The following KCNQ5 variants were observed in gnomAD, a reference collection of about 807,000 sequenced individuals.
KCNQ5 encodes potassium voltage-gated channel subfamily KQT member 5.
In KCNQ5, 30 loss-of-function variants were observed where a neutral mutation model predicts 98.2. That is an observed-to-expected ratio of 0.31 (90% CI 0.23 to 0.41). KCNQ5 has a LOEUF of 0.41. Among genes scored for constraint, KCNQ5 ranks in the 10% least tolerant of loss-of-function variants. KCNQ5 has a pLI of 1.00. For missense variants in KCNQ5, 835 were observed against 1,182.5 expected (o/e 0.71, Z 4.31); for synonymous variants, 458 against 449.4 (o/e 1.02, Z -0.24).
At chr6:72,690,673 A>T (rs1263475063) in intron 1 of KCNQ5, among the ~76,000 whole-genome samples, 1 of 151,966 alleles carries the variant, frequency 6.6e-6, no homozygotes, top group Non-Finnish European at 1.5e-5. Context: ...TGCATACAGA[A>T]CTCTAATGGG....
At chr6:73,051,659 C>T (rs1377870368) in intron 3 of KCNQ5, among the ~76,000 whole-genome samples, 3 of 141,996 alleles carry the variant, frequency 2.1e-5, no homozygotes, top group Admixed American at 7.3e-5. Flanking sequence ...ACTGAACCCA[C>T]CTTATATGAG....
chr6:72,736,689 C>CG (rs888676660), intron 1 of KCNQ5, among the ~76,000 whole-genome samples: 2 of 148,638 alleles, frequency 1.3e-5, no homozygotes, highest in African/African-American at 2.5e-5. Flanking sequence ...TTAGTAGAGA[C>CG]GGGGTTTCAC....
At chr6:72,745,873 G>C (rs1771372088) in intron 1 of KCNQ5, among the ~76,000 whole-genome samples, 1 of 152,000 alleles carries the variant, frequency 6.6e-6, no homozygotes, top group African/African-American at 2.4e-5. Context: ...AGCAATCCTT[G>C]ACCTGTGTTG....
intron 1 of KCNQ5, among the ~76,000 whole-genome samples, chr6:72,873,803 GATA>G (rs1223856776): frequency 6.6e-6 from 1 of 151,904 alleles, no homozygotes; most frequent in East Asian, 1.9e-4. Flanking sequence ...AACATTCTAA[GATA>G]ATAATTTAAT....
intron 1 of KCNQ5, among the ~76,000 whole-genome samples, chr6:72,773,544 A>G (rs934302078): frequency 4.6e-5 from 7 of 152,176 alleles, no homozygotes; most frequent in African/African-American, 1.4e-4. Context: ...TGGCATGTGT[A>G]TACCTGTGTA....
intron 1 of KCNQ5, among the ~76,000 whole-genome samples, chr6:72,626,180 G>A (rs946656092): frequency 2.6e-5 from 4 of 152,208 alleles, no homozygotes; most frequent in African/African-American, 7.2e-5. Context: ...AATGTTATTG[G>A]TGTGCTTAGA....
At chr6:72,812,217 A>T (rs1427944922) in intron 1 of KCNQ5, among the ~76,000 whole-genome samples, 1 of 152,098 alleles carries the variant, frequency 6.6e-6, no homozygotes, top group Non-Finnish European at 1.5e-5. Context: ...TATGACCTGT[A>T]TCTTATGATA....
At chr6:73,183,474 T>C (rs3778268) in intron 11 of KCNQ5, among the ~76,000 whole-genome samples, 51,547 of 152,016 alleles carry the variant, frequency 0.34, 11,333 homozygotes, top group African/African-American at 0.63. Context: ...CTATGTCTTG[T>C]TCACCTTTGT....
intron 1 of KCNQ5, among the ~76,000 whole-genome samples, chr6:72,808,419 G>A (rs929119317): frequency 5.9e-5 from 9 of 152,110 alleles, no homozygotes; most frequent in Non-Finnish European, 1.0e-4. Flanking sequence ...ACAAGGAGTT[G>A]TTCTGTGCAA....
At chr6:72,667,339 C>T (rs1219640793) in intron 1 of KCNQ5, among the ~76,000 whole-genome samples, 2 of 152,202 alleles carry the variant, frequency 1.3e-5, no homozygotes, top group Admixed American at 6.5e-5. Flanking sequence ...TTGTGTTGAT[C>T]ACTCAGATTC....
chr6:72,807,605 A>C (rs939396676), intron 1 of KCNQ5, among the ~76,000 whole-genome samples: 36 of 152,126 alleles, frequency 2.4e-4, no homozygotes, highest in Admixed American at 2.0e-3. Flanking sequence ...AAACCCCTGA[A>C]CTCAAGGGAT....
rs186995862 is a variant in KCNQ5, at chr6:72,636,471, C to T, written c.398+13884C>T. ...TTCCAAAGCATAGACCTTGTGAAAGCGATTCTCATAACCTTTTCTAGAATG... is the reference window on the plus strand; with the variant it reads ...TTCCAAAGCATAGACCTTGTGAAAGTGATTCTCATAACCTTTTCTAGAATG... On this transcript the variant is annotated intron_variant, in intron 1 of 13. Transcript: ENST00000370398. Among the ~76,000 whole-genome samples the T allele has an allele frequency of 1.6e-4, 24 of 152,210 alleles. No individual in the cohort carries two copies. The East Asian group carries it at 4.4e-3, about 28-fold the overall frequency.
At chr6:73,168,704 T>A (rs1375999983) in intron 10 of KCNQ5, among the ~76,000 whole-genome samples, 1 of 151,186 alleles carries the variant, frequency 6.6e-6, no homozygotes, top group Non-Finnish European at 1.5e-5. Flanking sequence ...AAAACAAGAC[T>A]TTTTCTCAAA....
intron 2 of KCNQ5, among the ~76,000 whole-genome samples, chr6:73,034,425 C>T (rs186599076): frequency 1.9e-4 from 29 of 152,282 alleles, no homozygotes; most frequent in Admixed American, 4.6e-4. Context: ...TTTATAATGT[C>T]GGCATTTCAT....
At position 72,657,863 on chromosome 6, in the gene KCNQ5, G is replaced by A. The variant is rs374205028; in HGVS notation, c.398+35276G>A. 2.4e-4 allele frequency among the ~76,000 whole-genome samples: 36 copies of A among 152,150 alleles called. 1 individual carries two copies. The South Asian group carries it at 3.5e-3, about 15-fold the overall frequency. ...ATCTACCTATTCTCACTTGTTATTC[G>A]TACTTTGTGACTTCTCCAACCTCAC... On this transcript the variant is annotated intron_variant, in intron 1 of 13. Transcript: ENST00000370398.
At chr6:73,041,767 T>C (rs569560289) in intron 2 of KCNQ5, among the ~76,000 whole-genome samples, 169 bp from the exon 3 acceptor site, 1 of 152,330 alleles carries the variant, frequency 6.6e-6, no homozygotes, top group Admixed American at 6.5e-5. Context: ...GAGGTTCAAA[T>C]GCTGTCCAGA....
intron 1 of KCNQ5, among the ~76,000 whole-genome samples, chr6:72,769,542 T>A (rs553972841): frequency 5.3e-5 from 8 of 151,988 alleles, no homozygotes; most frequent in Non-Finnish European, 8.8e-5. Flanking sequence ...TTTTTTTTTT[T>A]AAAGCTCTGT....
At chr6:73,044,276 G>T (rs552161036) in intron 3 of KCNQ5, among the ~76,000 whole-genome samples, 1 of 152,116 alleles carries the variant, frequency 6.6e-6, no homozygotes, top group Non-Finnish European at 1.5e-5. Context: ...GTAAGACCCT[G>T]TCTCAAAAAA....
intron 3 of KCNQ5, among the ~76,000 whole-genome samples, chr6:73,073,681 A>G (rs573106961): frequency 6.6e-6 from 1 of 152,320 alleles, no homozygotes; most frequent in South Asian, 2.1e-4. Flanking sequence ...ATAATTCTTG[A>G]CAGTCAATTA....
Sources: allele counts gnomAD v4.1 joint callset (sites outside exome capture counted in the v4.1 genomes callset), GRCh38; gene constraint gnomAD v4.1.1; transcripts MANE v1.5; gene names NCBI Gene and HGNC (gene_info 2026-07-23, HGNC 2026-07-21).